The following NDUFB9 variants were observed in gnomAD, a reference collection of about 807,000 sequenced individuals.
NDUFB9 encodes NADH dehydrogenase [ubiquinone] 1 beta subcomplex subunit 9.
A neutral mutation model predicts 30.2 loss-of-function variants in NDUFB9; 24 were observed. The ratio of observed to expected loss-of-function variants is 0.80; its 90% CI spans 0.58 to 1.12. NDUFB9 has a LOEUF of 1.12. NDUFB9 is among the 50% of genes most tolerant of loss of function. The pLI is 0.00. For missense variants in NDUFB9, 204 were observed against 226.0 expected (o/e 0.90, Z 0.62); for synonymous variants, 80 against 84.0 (o/e 0.95, Z 0.26).
intron 1 of NDUFB9, chr8:124,542,850 T>G: frequency 7.8e-6 from 3 of 382,296 alleles, no homozygotes; most frequent in East Asian, 4.2e-5. Flanking sequence ...CATTCCATTG[T>G]TGGATGTAAG....
At chr8:124,547,720 C>T (rs948379472) in intron 3 of NDUFB9, among the ~76,000 whole-genome samples, 1 of 151,994 alleles carries the variant, frequency 6.6e-6, no homozygotes, top group Non-Finnish European at 1.5e-5. Context: ...TGGCTCACAC[C>T]TATAATCCCA....
intron 2 of NDUFB9, among the ~76,000 whole-genome samples, chr8:124,544,206 A>T (rs993017176): frequency 2.6e-5 from 4 of 152,228 alleles, no homozygotes; most frequent in Non-Finnish European, 5.9e-5. Context: ...CTTCATTTCT[A>T]TGAAGGCTGA....
At chr8:124,545,920 G>A (rs185795479) in intron 2 of NDUFB9, among the ~76,000 whole-genome samples, 91 of 152,276 alleles carry the variant, frequency 6.0e-4, no homozygotes, top group African/African-American at 2.1e-3. Context: ...TCGGCTCACC[G>A]CAACCTCCAC....
intron 1 of NDUFB9, chr8:124,539,515 A>C (rs1262362890): frequency 1.8e-6 from 1 of 558,412 alleles, no homozygotes; most frequent in Non-Finnish European, 3.2e-6. Flanking sequence ...CTTTTTGTTT[A>C]GTAAAACGGA....
chr8:124,546,981 T>C lies in NDUFB9; in HGVS notation c.295-19T>C. 1 of 1,560,910 alleles carries C rather than the reference T, an allele frequency of 6.4e-7. No individual in the cohort carries two copies. The highest frequency in any genetic ancestry group is 2.2e-5 in the East Asian group (1 of 44,630). ...AAATGTGTCCTGTGGATTGATACCA[T>C]GATTTCCTCTCCTGACAGGTCCCAG... On this transcript the variant is annotated intron_variant, in intron 2 of 3. Coordinates refer to ENST00000276689, the MANE Select transcript of NDUFB9 (RefSeq NM_005005.3).
Position 124,539,194 on chromosome 8 carries a change from T to C in NDUFB9, c.8T>C (p.Phe3Ser). The change falls in exon 1 of 4, where the codon TTC (phenylalanine) becomes TCC (serine). Residue 3 changes from phenylalanine to serine, a missense_variant. By Grantham distance (155) the Phe-to-Ser change is radical (BLOSUM62 -2). Transcript: ENST00000276689. MA[F>S]LASGPYLTHQ... is the part of the protein sequence containing the mutation. The stretch of plus-strand genomic sequence containing the variant: ...GGGAAGGTCAGCGCCGTAATGGCGT[T>C]CTTGGCGTCGGGACCCTACCTGACC... 6.2e-7 allele frequency: 1 copy of C among 1,614,206 alleles called. No homozygotes were observed. The highest frequency in any genetic ancestry group is 8.5e-7 in the Non-Finnish European group (1 of 1,180,036).
chr8:124,542,815 T>C (rs1395171082), intron 1 of NDUFB9: 8 of 286,220 alleles, frequency 2.8e-5, no homozygotes, highest in East Asian at 6.5e-5. Context: ...TTCTTTTTTT[T>C]TTTTTTTTTT....
chr8:124,543,903 G>A (rs977445422), intron 2 of NDUFB9, among the ~76,000 whole-genome samples: 1 of 152,170 alleles, frequency 6.6e-6, no homozygotes, highest in African/African-American at 2.4e-5. Flanking sequence ...TCCGTTACAC[G>A]TCTCTTCCTT....
At position 124,539,251 on chromosome 8, in the gene NDUFB9, G is replaced by A. The variant is rs1390326483; in HGVS notation, c.65G>A (p.Arg22Gln). 2.6e-5 allele frequency: 42 copies of A among 1,614,106 alleles called. No individual in the cohort carries two copies. The highest frequency in any genetic ancestry group is 3.4e-5 in the Non-Finnish European group (40 of 1,180,062). ...CAAAAGGTGTTGCGGCTTTATAAGC[G>A]GGCGCTACGCCACCTCGAGTCGTGG... is the stretch of plus-strand genomic sequence containing the variant. ...HQQKVLRLYK[R>Q]ALRHLESWCV... The change falls in exon 1 of 4, where the codon CGG becomes CAG. Residue 22 changes from arginine to glutamine, a missense_variant. Physicochemically the swap from Arg to Gln is conservative, Grantham distance 43. Coordinates refer to ENST00000276689, the MANE Select transcript of NDUFB9 (RefSeq NM_005005.3).
rs777403594 is a variant in NDUFB9 at position 124,549,744 on chromosome 8, T to C, written c.409-17T>C. The C allele has an allele frequency of 3.1e-6, 5 of 1,612,992 alleles. No homozygotes were observed. On this transcript the variant is annotated splice_polypyrimidine_tract_variant and intron_variant, in intron 3 of 3. Transcript: ENST00000276689. The stretch of plus-strand genomic sequence containing the variant: ...TTAGATTCCTTTGGTAATGATTCCT[T>C]CCTTGCCTCCTTCTAGGTTAAGCAG...
chr8:124,547,011 G>C lies in NDUFB9; in HGVS notation c.306G>C (p.Trp102Cys), dbSNP rs372734232. Residue 102 changes from tryptophan (W) to cysteine (C), a missense_variant, in exon 3 of 4, where the codon TGG (tryptophan) becomes TGC (cysteine). Transcript: ENST00000276689. ...ERYDCYKVPE[W>C]CLDDWHPSEK... ...TCCTCTCCTGACAGGTCCCAGAATG[G>C]TGCTTAGATGACTGGCATCCTTCTG... 3.7e-6 allele frequency: 6 copies of C among 1,611,194 alleles called. No individual in the cohort carries two copies. Among genetic ancestry groups the C allele is most frequent in the Non-Finnish European group, 5.1e-6 (6 of 1,179,088 alleles).
chr8:124,549,009 A>C (rs1273748185), intron 3 of NDUFB9, among the ~76,000 whole-genome samples: 1 of 152,264 alleles, frequency 6.6e-6, no homozygotes, highest in African/African-American at 2.4e-5. Context: ...TTTGTCAGAA[A>C]TGTCTCACCG....
intron 2 of NDUFB9, among the ~76,000 whole-genome samples, chr8:124,545,545 T>C (rs1459500815): frequency 1.3e-5 from 2 of 152,202 alleles, no homozygotes; most frequent in African/African-American, 4.8e-5. Context: ...TTGTTTTTGT[T>C]TGGGAGATGG....
At chr8:124,546,481 C>T (rs776339459) in intron 2 of NDUFB9, among the ~76,000 whole-genome samples, 31 of 152,180 alleles carry the variant, frequency 2.0e-4, no homozygotes, top group Non-Finnish European at 2.5e-4. Flanking sequence ...TATATTGCAG[C>T]GGTCTGGAAC....
intron 1 of NDUFB9, among the ~76,000 whole-genome samples, chr8:124,540,751 G>A (rs574531088): frequency 1.3e-5 from 2 of 151,956 alleles, no homozygotes; most frequent in African/African-American, 4.8e-5. Context: ...TGCCCTCATT[G>A]TGCTGTTCTC....
chr8:124,540,665 A>C (rs1452307109), intron 1 of NDUFB9, among the ~76,000 whole-genome samples: 1 of 152,228 alleles, frequency 6.6e-6, no homozygotes, highest in Non-Finnish European at 1.5e-5. Flanking sequence ...TAAACTAGCT[A>C]CTATGACAGT....
intron 3 of NDUFB9, 152 bp from the exon 4 acceptor site, chr8:124,549,609 A>G: frequency 1.4e-6 from 1 of 716,990 alleles, no homozygotes; most frequent in East Asian, 2.7e-5. Context: ...TAAAGCAGGT[A>G]TATGTAAAAA....
chr8:124,549,142 G>A (rs1043731137), intron 3 of NDUFB9, among the ~76,000 whole-genome samples: 1 of 152,252 alleles, frequency 6.6e-6, no homozygotes, highest in African/African-American at 2.4e-5. Context: ...AGCAGCACGT[G>A]TGACTGGAGG....
chr8:124,545,327 A>G (rs145005389), intron 2 of NDUFB9, among the ~76,000 whole-genome samples: 1 of 152,298 alleles, frequency 6.6e-6, no homozygotes, highest in African/African-American at 2.4e-5. Flanking sequence ...ATCACATGCT[A>G]TAGAAGTGTT....
Sources: allele counts gnomAD v4.1 joint callset (sites outside exome capture counted in the v4.1 genomes callset), GRCh38; gene constraint gnomAD v4.1.1; transcripts MANE v1.5; gene names NCBI Gene and HGNC (gene_info 2026-07-23, HGNC 2026-07-21).